Variants in UBE3A observed in about 807,000 individuals in gnomAD.
The protein encoded by UBE3A is ubiquitin-protein ligase E3A.
A neutral mutation model predicts 83.4 loss-of-function variants in UBE3A; 6 were observed. That is an observed-to-expected ratio of 0.07 (90% CI 0.04 to 0.14). UBE3A has a LOEUF of 0.14. UBE3A is among the 10% of genes least tolerant of loss of function. The probability of loss-of-function intolerance (pLI) is 1.00; values close to 1 mark genes in which losing one functional copy is unlikely to be tolerated. For missense variants in UBE3A, 456 were observed against 1,036.1 expected, an observed-to-expected ratio of 0.44 and a Z score of 7.69; for synonymous variants, 337 against 355.4, an observed-to-expected ratio of 0.95 and a Z score of 0.58.
rs1566897589 is a variant in UBE3A, at chr15:25,356,648, T to TGC, written c.1959+42_1959+43insGC. 3 of 1,576,762 alleles carry TGC rather than the reference T, an allele frequency of 1.9e-6. No individual in the cohort carries two copies. In the Admixed American group the frequency reaches 5.3e-5, roughly 28 times the overall value. The stretch of plus-strand genomic sequence containing the variant: ...CATAAATTAAATTTTTGCATTTAAA[T>TGC]AAAATCTAAGAGACTGAATTAAAAA... On this transcript the variant is annotated intron_variant, in intron 8 of 12. Transcript: ENST00000648336.
intron 4 of UBE3A, among the ~76,000 whole-genome samples, chr15:25,384,665 A>T (rs1272018024): frequency 1.3e-5 from 2 of 151,930 alleles, no homozygotes; most frequent in African/African-American, 4.8e-5. Flanking sequence ...GAAAAAAAAA[A>T]TCTTAAAATT....
intron 1 of UBE3A, among the ~76,000 whole-genome samples, chr15:25,428,461 A>C (rs1158247925): frequency 6.6e-6 from 1 of 152,178 alleles, no homozygotes. Flanking sequence ...CTACCAGAGA[A>C]TACTACAATG....
intron 11 of UBE3A, among the ~76,000 whole-genome samples, chr15:25,342,841 G>A (rs922038246): frequency 4.6e-5 from 7 of 152,050 alleles, no homozygotes; most frequent in African/African-American, 1.7e-4. Flanking sequence ...GAGCACTACT[G>A]AGTGTAGGTT....
chr15:25,432,600 G>A (rs961044641), intron 1 of UBE3A, among the ~76,000 whole-genome samples: 6 of 152,272 alleles, frequency 3.9e-5, no homozygotes, highest in East Asian at 3.9e-4. Context: ...TGCATGCTAC[G>A]AAGACATGGG....
rs1198960794 is a variant in UBE3A at position 25,334,620 on chromosome 15, A to AAT, written c.*4515_*4516dup. The AAT allele has an allele frequency of 6.6e-6, 1 of 151,804 alleles. No homozygotes were observed. Among genetic ancestry groups the AAT allele is most frequent in the African/African-American group, 2.4e-5 (1 of 41,334 alleles). The allele number at this position is 151,804 out of a possible 1,614,324, so 9.4% of individuals were successfully genotyped here. A position where few individuals can be genotyped will look rare whatever the true frequency, so the allele number is the denominator to read the frequency against. On this transcript the variant is annotated 3_prime_UTR_variant, in exon 13 of 13. Coordinates refer to ENST00000648336, the MANE Select transcript of UBE3A (RefSeq NM_130839.5). ...TGATTTTGGGGAAAAAAAAAAAAAA[A>AAT]ATGGAGGACTTGCACATCCCAAATC...
intron 4 of UBE3A, among the ~76,000 whole-genome samples, chr15:25,376,232 T>C (rs1032374503): frequency 1.3e-5 from 2 of 152,248 alleles, no homozygotes; most frequent in Non-Finnish European, 2.9e-5. Context: ...ATTTGACTTA[T>C]AGTTAACACA....
At chr15:25,362,490 G>T (rs1328935526) in intron 6 of UBE3A, among the ~76,000 whole-genome samples, 1 of 152,068 alleles carries the variant, frequency 6.6e-6, no homozygotes, top group Non-Finnish European at 1.5e-5. Flanking sequence ...AGTTGTGAAG[G>T]CTTATTAAGA....
At chr15:25,348,096 A>C (rs2075987090) in intron 11 of UBE3A, among the ~76,000 whole-genome samples, 1 of 152,148 alleles carries the variant, frequency 6.6e-6, no homozygotes, top group Admixed American at 6.5e-5. Flanking sequence ...GAAAATCGCA[A>C]AACAGAAAAA....
intron 4 of UBE3A, among the ~76,000 whole-genome samples, chr15:25,392,569 A>G (rs1225083666): frequency 1.7e-4 from 26 of 152,196 alleles, no homozygotes; most frequent in Non-Finnish European, 4.4e-5. Context: ...CTAAAGAAAG[A>G]GAAAGCCACG....
At chr15:25,365,730 A>G (rs1420769121) in intron 6 of UBE3A, among the ~76,000 whole-genome samples, 1 of 148,934 alleles carries the variant, frequency 6.7e-6, no homozygotes, top group African/African-American at 2.5e-5. Flanking sequence ...CCTGGGTGAC[A>G]GAGCAAGACT....
chr15:25,414,952 T>C (rs573565361), intron 1 of UBE3A, among the ~76,000 whole-genome samples: 9 of 152,224 alleles, frequency 5.9e-5, no homozygotes, highest in Admixed American at 1.3e-4. Context: ...CAAATGTTTA[T>C]AGAATAAGCA....
chr15:25,436,394 T>C (rs562265002), intron 1 of UBE3A, among the ~76,000 whole-genome samples: 2 of 152,328 alleles, frequency 1.3e-5, no homozygotes, highest in African/African-American at 4.8e-5. Context: ...TTGGAGAACA[T>C]AACTAGCAGT....
At chr15:25,415,621 C>T (rs2090750305) in intron 1 of UBE3A, 1 of 152,094 alleles carries the variant, frequency 6.6e-6, no homozygotes, top group South Asian at 2.1e-4. Flanking sequence ...AACTCTTATA[C>T]ATAATCACCA....
chr15:25,376,003 G>A (rs1448820640), intron 4 of UBE3A, among the ~76,000 whole-genome samples: 1 of 152,064 alleles, frequency 6.6e-6, no homozygotes, highest in East Asian at 1.9e-4. Context: ...TATTAACAGA[G>A]TATACATTCC....
intron 1 of UBE3A, among the ~76,000 whole-genome samples, chr15:25,435,059 G>A (rs767120365): frequency 2.0e-5 from 3 of 146,750 alleles, no homozygotes; most frequent in Non-Finnish European, 1.5e-5. Context: ...GGGGTGGTGG[G>A]CTGGGACCAA....
At chr15:25,376,351 A>G (rs963684672) in intron 4 of UBE3A, among the ~76,000 whole-genome samples, 2 of 152,230 alleles carry the variant, frequency 1.3e-5, no homozygotes, top group African/African-American at 4.8e-5. Flanking sequence ...ACTGAAAGAA[A>G]GCGGCTGCAG....
At chr15:25,364,626 T>A (rs1595710101) in intron 6 of UBE3A, among the ~76,000 whole-genome samples, 1 of 149,640 alleles carries the variant, frequency 6.7e-6, no homozygotes, top group African/African-American at 2.5e-5. Context: ...CACGTGGATT[T>A]TTAGGGTTTT....
chr15:25,386,695 G>A (rs2083203260), intron 4 of UBE3A, among the ~76,000 whole-genome samples: 1 of 151,346 alleles, frequency 6.6e-6, no homozygotes, highest in Admixed American at 6.6e-5. Context: ...AAAATCCGAA[G>A]TAAGCCAGAG....
intron 1 of UBE3A, among the ~76,000 whole-genome samples, chr15:25,414,078 G>A (rs1307224039): frequency 1.3e-5 from 2 of 152,096 alleles, no homozygotes; most frequent in African/African-American, 4.8e-5. Flanking sequence ...GGCATGGTAT[G>A]CCTGCAACTA....
Sources: allele counts gnomAD v4.1 joint callset (sites outside exome capture counted in the v4.1 genomes callset), GRCh38; gene constraint gnomAD v4.1.1; transcripts MANE v1.5; gene names NCBI Gene and HGNC (gene_info 2026-07-23, HGNC 2026-07-21).